The following MTFR1 variants were observed in gnomAD, a reference collection of about 807,000 sequenced individuals.
MTFR1 encodes the protein mitochondrial fission regulator 1.
MTFR1 carries 28 observed loss-of-function variants against 38.8 expected under a neutral mutation model. The observed-to-expected ratio is 0.72, with a 90% CI of 0.53 to 0.99. The LOEUF (loss-of-function observed/expected upper bound fraction) is 0.99. MTFR1 is among the 50% of genes least tolerant of loss of function. The pLI is 0.00. For missense variants in MTFR1, 358 were observed against 395.5 expected (o/e 0.91, Z 0.81); for synonymous variants, 145 against 137.0 (o/e 1.06, Z -0.41).
downstream of MTFR1, among the ~76,000 whole-genome samples, chr8:65,713,664 G>C (rs1806022595): frequency 1.3e-5 from 2 of 152,148 alleles, no homozygotes; most frequent in South Asian, 4.2e-4. Flanking sequence ...AAATTTGAAG[G>C]CTAAGTAACT....
At chr8:65,727,079 GA>G in intron 3 of MTFR1, 3 of 1,020,264 alleles carry the variant, frequency 2.9e-6, no homozygotes, top group Non-Finnish European at 3.0e-6. Context: ...CATTCATTGA[GA>G]ATTTATTTTC....
chr8:65,725,815 G>C (rs1806583540), intron 3 of MTFR1, among the ~76,000 whole-genome samples: 1 of 152,002 alleles, frequency 6.6e-6, no homozygotes, highest in South Asian at 2.1e-4. Flanking sequence ...TGAAAAACAT[G>C]ATTTTTAAAA....
intron 3 of MTFR1, among the ~76,000 whole-genome samples, chr8:65,758,205 C>T (rs932345199): frequency 1.3e-5 from 2 of 152,132 alleles, no homozygotes; most frequent in African/African-American, 2.4e-5. Context: ...CAATAACAGC[C>T]GTATTCACTC....
At chr8:65,677,267 G>A (rs1329138422) in intron 2 of MTFR1, among the ~76,000 whole-genome samples, 18 of 148,652 alleles carry the variant, frequency 1.2e-4, no homozygotes, top group Admixed American at 1.1e-3. Context: ...ACGGGGTTTC[G>A]CCACATTGGC....
At chr8:65,737,743 T>C (rs1442355322) in intron 3 of MTFR1, among the ~76,000 whole-genome samples, 2 of 152,178 alleles carry the variant, frequency 1.3e-5, no homozygotes, top group Non-Finnish European at 2.9e-5. Context: ...GGTTTTGAAC[T>C]CCTGGCCTCA....
At chr8:65,697,593 G>A (rs1585790991) in intron 4 of MTFR1, among the ~76,000 whole-genome samples, 2 of 152,284 alleles carry the variant, frequency 1.3e-5, no homozygotes, top group East Asian at 3.9e-4. Flanking sequence ...AAACATTTGT[G>A]TATAGGTTTT....
At chr8:65,681,477 C>G (rs1481913122) in intron 2 of MTFR1, among the ~76,000 whole-genome samples, 1 of 152,122 alleles carries the variant, frequency 6.6e-6, no homozygotes, top group Non-Finnish European at 1.5e-5. Flanking sequence ...ATAATTCTTA[C>G]TCTTTTCTTT....
chr8:65,769,616 C>T (rs1267478460), intron 3 of MTFR1, among the ~76,000 whole-genome samples: 1 of 152,152 alleles, frequency 6.6e-6, no homozygotes, highest in Non-Finnish European at 1.5e-5. Flanking sequence ...GTGATCTAGA[C>T]TGGGTGCGGT....
At chr8:65,677,308 G>T (rs1215851075) in intron 2 of MTFR1, among the ~76,000 whole-genome samples, 1 of 150,254 alleles carries the variant, frequency 6.7e-6, no homozygotes, top group African/African-American at 2.4e-5. Flanking sequence ...GACCTCAGAT[G>T]ATCCACCCGC....
intron 5 of MTFR1, among the ~76,000 whole-genome samples, chr8:65,706,774 T>C (rs1047154195): frequency 2.6e-5 from 4 of 152,204 alleles, no homozygotes; most frequent in African/African-American, 9.7e-5. Context: ...AAAACACCTC[T>C]GTTAAGTTAA....
downstream of MTFR1, among the ~76,000 whole-genome samples, chr8:65,775,650 C>T (rs77541889): frequency 0.057 from 8,691 of 152,300 alleles, 356 homozygotes; most frequent in Middle Eastern, 0.11. Context: ...TTCTTTGAGA[C>T]GAAGTCTCGC....
chr8:65,719,075 A>G lies in MTFR1; in HGVS notation c.382-305A>G, dbSNP rs1806265782. The G allele has an allele frequency of 6.1e-5, 35 of 569,802 alleles. No individual in the cohort carries two copies. In the South Asian group the frequency reaches 7.3e-4, roughly 12 times the overall value. 35.3% of individuals were successfully genotyped at this position (569,802 alleles called of 1,614,324 possible). A position where few individuals can be genotyped will look rare whatever the true frequency, so the allele number is the denominator to read the frequency against. The stretch of plus-strand genomic sequence containing the variant: ...GGGCTTTGCATATTCAAGGTTTCAC[A>G]TGAAAGCCAAATTCATATTGCTGTA... On this transcript the variant is annotated intron_variant, in intron 2 of 3. Transcript: ENST00000521247.
At chr8:65,662,879 G>A (rs1194618640) in intron 1 of MTFR1, among the ~76,000 whole-genome samples, 1 of 150,126 alleles carries the variant, frequency 6.7e-6, no homozygotes, top group Non-Finnish European at 1.5e-5. Context: ...GCCCCAGCCC[G>A]GCCAGCCGCC....
chr8:65,726,330 A>T (rs1056201266), intron 3 of MTFR1, among the ~76,000 whole-genome samples: 3 of 149,650 alleles, frequency 2.0e-5, no homozygotes, highest in Non-Finnish European at 3.0e-5. Context: ...TAGCCCATTT[A>T]TTTTTTTTTC....
At chr8:65,685,854 C>T (rs1805055969) in intron 3 of MTFR1, among the ~76,000 whole-genome samples, 1 of 152,098 alleles carries the variant, frequency 6.6e-6, no homozygotes, top group African/African-American at 2.4e-5. Context: ...GAAGGTCTCT[C>T]TAAAGGAATG....
At chr8:65,648,094 C>T (rs1809012349) in intron 1 of MTFR1, among the ~76,000 whole-genome samples, 2 of 152,170 alleles carry the variant, frequency 1.3e-5, no homozygotes, top group Admixed American at 6.5e-5. Context: ...TCACTGCAAG[C>T]TCTGCCTCCC....
chr8:65,652,425 G>A (rs1020671006), intron 1 of MTFR1, among the ~76,000 whole-genome samples: 3 of 151,560 alleles, frequency 2.0e-5, no homozygotes, highest in African/African-American at 7.3e-5. Flanking sequence ...TGTAGAGGTG[G>A]GTCTCCCTAT....
chr8:65,713,814 G>C (rs74419762), downstream of MTFR1, among the ~76,000 whole-genome samples: 1 of 152,072 alleles, frequency 6.6e-6, no homozygotes, highest in East Asian at 1.9e-4. Flanking sequence ...CTCTCCAGTA[G>C]CTGGGATTAC....
chr8:65,709,851 T>C lies in MTFR1; in HGVS notation c.*807T>C, dbSNP rs1805894629. The C allele has an allele frequency of 6.5e-6, 1 of 152,674 alleles. No homozygotes were observed. Among genetic ancestry groups the C allele is most frequent in the African/African-American group, 2.4e-5 (1 of 41,472 alleles). 9.5% of individuals were successfully genotyped at this position (152,674 alleles called of 1,614,324 possible). ...TCTTGTTTCCTTTCAGTTTATTAAA[T>C]GGCATCATAAAGATGACTTTGCTAA... On this transcript the variant is annotated 3_prime_UTR_variant, in exon 8 of 8. Transcript: ENST00000262146.
Sources: allele counts gnomAD v4.1 joint callset (sites outside exome capture counted in the v4.1 genomes callset), GRCh38; gene constraint gnomAD v4.1.1; transcripts MANE v1.5; gene names NCBI Gene and HGNC (gene_info 2026-07-23, HGNC 2026-07-21).